PRKN: variants seen among roughly 807,000 people sequenced by gnomAD.
The protein encoded by PRKN is E3 ubiquitin-protein ligase parkin.
Under a neutral mutation model 59.5 loss-of-function variants are expected in PRKN, and 56 were observed. That is an observed-to-expected ratio of 0.94 (90% CI 0.76 to 1.18). PRKN has a LOEUF of 1.18. Among genes scored for constraint, PRKN ranks in the 50% most tolerant of loss-of-function variants. PRKN has a pLI of 0.00. For missense variants in PRKN, 657 were observed against 596.4 expected (o/e 1.10, Z -1.06); for synonymous variants, 250 against 222.1 (o/e 1.13, Z -1.12).
chr6:162,403,518 C>T (rs58415269), intron 2 of PRKN, among the ~76,000 whole-genome samples: 10,115 of 152,152 alleles, frequency 0.066, 705 homozygotes, highest in East Asian at 0.38. Flanking sequence ...TCTTGTCTGT[C>T]GTCAGCCTTT....
intron 4 of PRKN, among the ~76,000 whole-genome samples, chr6:162,119,830 T>C (rs2128305155): frequency 6.6e-6 from 1 of 152,248 alleles, no homozygotes; most frequent in South Asian, 2.1e-4. Context: ...AGTCTCAGGG[T>C]CCAATATCTT....
rs200669288 is a variant in PRKN, at chr6:161,883,034, A to AC, written c.734+90267_734+90268insG. Among the ~76,000 whole-genome samples, 1,178 of 141,698 alleles carry AC rather than the reference A, an allele frequency of 8.3e-3. 10 individuals are homozygous for AC. Among genetic ancestry groups the AC allele is most frequent in the African/African-American group, 0.026 (990 of 38,192 alleles). The allele number at this position is 141,698 out of a possible 152,430, so 93.0% of individuals were successfully genotyped here. On this transcript the variant is annotated intron_variant, in intron 6 of 11. Coordinates refer to ENST00000366898, the MANE Select transcript of PRKN (RefSeq NM_004562.3). ...AAAACAAAAAACAACAACAACAACAAAAAAAAACCAAAAAAACTCCAGGTA... is the reference window on the plus strand; with the variant it reads ...AAAACAAAAAACAACAACAACAACAACAAAAAAACCAAAAAAACTCCAGGTA...
At chr6:162,082,299 A>G (rs1779088836) in intron 4 of PRKN, among the ~76,000 whole-genome samples, 1 of 152,044 alleles carries the variant, frequency 6.6e-6, no homozygotes, top group Admixed American at 6.5e-5. Context: ...TGCCATGATT[A>G]TGAGGCCTCC....
intron 3 of PRKN, among the ~76,000 whole-genome samples, chr6:162,253,734 T>TA (rs1160314418): frequency 6.8e-6 from 1 of 147,414 alleles, no homozygotes; most frequent in African/African-American, 2.6e-5. Context: ...GTTAATGAAG[T>TA]AAAAAAATAT....
chr6:162,345,564 CG>C (rs1784363779), intron 2 of PRKN, among the ~76,000 whole-genome samples: 1 of 152,126 alleles, frequency 6.6e-6, no homozygotes, highest in Non-Finnish European at 1.5e-5. Context: ...TCACAAAGGC[CG>C]TATAAATCTT....
intron 9 of PRKN, among the ~76,000 whole-genome samples, chr6:161,522,480 C>T (rs1227743292): frequency 2.0e-5 from 3 of 152,226 alleles, no homozygotes; most frequent in Non-Finnish European, 2.9e-5. Flanking sequence ...CCTGGCGGGA[C>T]ATTTGGACAC....
At position 161,516,511 on chromosome 6, in the gene PRKN, AAAG is replaced by A. The variant is rs1024623750; in HGVS notation, c.1083+32340_1083+32342del. 1.6e-3 allele frequency among the ~76,000 whole-genome samples: 236 copies of A among 143,662 alleles called. 1 individual carries two copies. Among genetic ancestry groups the A allele is most frequent in the Non-Finnish European group, 2.7e-3 (178 of 65,880 alleles). 94.2% of individuals were successfully genotyped at this position (143,662 alleles called of 152,430 possible). A position where few individuals can be genotyped will look rare whatever the true frequency, so the allele number is the denominator to read the frequency against. On this transcript the variant is annotated intron_variant, in intron 9 of 11. Coordinates refer to ENST00000366898, the MANE Select transcript of PRKN (RefSeq NM_004562.3). The stretch of plus-strand genomic sequence containing the variant: ...AAAAAAAAGAAGAAGAAGAAAGAAG[AAAG>A]AAGAAGAAGAAGAAGAAAAAGAAGA...
chr6:162,136,124 A>G (rs1406660430), intron 4 of PRKN, among the ~76,000 whole-genome samples: 2 of 149,598 alleles, frequency 1.3e-5, no homozygotes, highest in African/African-American at 2.4e-5. Flanking sequence ...ATATATAAAT[A>G]AATATATTTT....
At chr6:161,944,254 C>G (rs1472987453) in intron 6 of PRKN, among the ~76,000 whole-genome samples, 2 of 152,202 alleles carry the variant, frequency 1.3e-5, no homozygotes, top group Non-Finnish European at 2.9e-5. Flanking sequence ...TTTCAAGATA[C>G]TGTCCCTGAA....
intron 8 of PRKN, among the ~76,000 whole-genome samples, chr6:161,556,325 T>C (rs1196240491): frequency 6.6e-6 from 1 of 152,216 alleles, no homozygotes; most frequent in African/African-American, 2.4e-5. Context: ...ACCTGAAATA[T>C]GCCTATTGAA....
chr6:162,451,347 T>G (rs1790612777), intron 1 of PRKN, among the ~76,000 whole-genome samples: 1 of 146,730 alleles, frequency 6.8e-6, no homozygotes, highest in Non-Finnish European at 1.5e-5. Flanking sequence ...GAGCTAGTAG[T>G]ATTACTGTCC....
intron 7 of PRKN, among the ~76,000 whole-genome samples, chr6:161,574,535 A>G (rs1484151941): frequency 3.9e-5 from 6 of 152,136 alleles, no homozygotes; most frequent in Non-Finnish European, 7.4e-5. Flanking sequence ...AAGCGCTCAC[A>G]TGATTTTTTT....
chr6:162,559,886 T>C (rs1779765000), intron 1 of PRKN, among the ~76,000 whole-genome samples: 1 of 152,150 alleles, frequency 6.6e-6, no homozygotes, highest in Admixed American at 6.6e-5. Flanking sequence ...GGAATGAAAA[T>C]GATGTCTCTA....
chr6:161,768,458 T>A (rs1789522838), intron 7 of PRKN, among the ~76,000 whole-genome samples: 1 of 152,230 alleles, frequency 6.6e-6, no homozygotes, highest in South Asian at 2.1e-4. Flanking sequence ...AAAACCCCTA[T>A]TAGTAAAAAT....
chr6:162,080,022 G>C (rs1037426815), intron 4 of PRKN, among the ~76,000 whole-genome samples: 1 of 152,000 alleles, frequency 6.6e-6, no homozygotes, highest in African/African-American at 2.4e-5. Flanking sequence ...ACATTTTCTG[G>C]TGACTGCATT....
At chr6:162,024,846 T>C in intron 5 of PRKN, among the ~76,000 whole-genome samples, 1 of 152,204 alleles carries the variant, frequency 6.6e-6, no homozygotes, top group Non-Finnish European at 1.5e-5. Context: ...TAAATTAGAC[T>C]AAACTGTAAG....
intron 6 of PRKN, among the ~76,000 whole-genome samples, chr6:161,830,321 G>A (rs968604412): frequency 6.6e-6 from 1 of 150,442 alleles, no homozygotes; most frequent in African/African-American, 2.4e-5. Flanking sequence ...GCGCGATCTT[G>A]GCTCACTGCA....
chr6:161,866,826 C>T (rs1794131049), intron 6 of PRKN, among the ~76,000 whole-genome samples: 1 of 152,130 alleles, frequency 6.6e-6, no homozygotes, highest in South Asian at 2.1e-4. Flanking sequence ...CAGGGAGGAG[C>T]TGGTGGAAAC....
At position 161,785,926 on chromosome 6, in the gene PRKN, G is replaced by A. The variant is rs763197170; in HGVS notation, c.735-18C>T. The stretch of plus-strand genomic sequence containing the variant: ...CGGGGCTCCTGCAGAGAGAAAGGAA[G>A]ATGTTTCCTCTAGTACCTGTCAGTG... On this transcript the variant is annotated intron_variant, in intron 6 of 11. Coordinates refer to ENST00000366898, the MANE Select transcript of PRKN (RefSeq NM_004562.3). 8.7e-6 allele frequency: 14 copies of A among 1,613,656 alleles called. 1 individual carries two copies. The South Asian group carries it at 1.5e-4, about 18-fold the overall frequency.
Sources: gnomAD v4.1 joint callset for allele counts (sites outside exome capture counted in the v4.1 genomes callset) on GRCh38, gnomAD v4.1.1 for gene constraint, MANE v1.5 for transcripts, NCBI Gene and HGNC (gene_info 2026-07-23, HGNC 2026-07-21) for gene names.